TMIGD2: variants seen among roughly 807,000 people sequenced by gnomAD.
TMIGD2 encodes transmembrane and immunoglobulin domain containing 2, also known as transmembrane and immunoglobulin domain-containing protein 2.
In TMIGD2, 18 loss-of-function variants were observed where a neutral mutation model predicts 22.6. That is an observed-to-expected ratio of 0.80 (90% confidence interval 0.55 to 1.18). The LOEUF is 1.18. TMIGD2 is among the 50% of genes most tolerant of loss of function. TMIGD2 has a pLI of 0.00. For synonymous variants in TMIGD2, 184 were observed against 154.1 expected, an observed-to-expected ratio of 1.19 and a Z score of -1.44; for missense variants, 361 against 378.2, an observed-to-expected ratio of 0.95 and a Z score of 0.38.
Position 4,292,338 on chromosome 19 carries a change from C to A in TMIGD2, c.*261G>T, listed in dbSNP as rs1599519419. On this transcript the variant is annotated 3_prime_UTR_variant, in exon 5 of 5. Coordinates refer to ENST00000301272, the Ensembl canonical transcript of TMIGD2. Reference sequence around the variant, plus strand: ...AGGATGGGGCTGACAGGCTCCCAATCCTCCTGCTTTTTGTTTTTTTTGAGA... The same window carrying A: ...AGGATGGGGCTGACAGGCTCCCAATACTCCTGCTTTTTGTTTTTTTTGAGA... 3 of 454,474 alleles carry A rather than the reference C, an allele frequency of 6.6e-6. No individual in the cohort carries two copies. The East Asian group carries it at 1.4e-4, about 22-fold the overall frequency. 28.2% of individuals were successfully genotyped at this position (454,474 alleles called of 1,614,324 possible).
At chr19:4,301,907 T>C (rs939603954) in intron 1 of TMIGD2, among the ~76,000 whole-genome samples, 7 of 152,094 alleles carry the variant, frequency 4.6e-5, no homozygotes, top group Admixed American at 3.9e-4. Context: ...GTTGAGGTTA[T>C]GTGAAGTTCC....
At chr19:4,299,659 G>A (rs991683466) in intron 1 of TMIGD2, among the ~76,000 whole-genome samples, 8 of 151,964 alleles carry the variant, frequency 5.3e-5, no homozygotes, top group East Asian at 1.9e-4. Context: ...AGTCAAGGCC[G>A]GTGGATCACC....
chr19:4,294,761 A>G lies in TMIGD2; in HGVS notation c.448+14T>C, dbSNP rs541954558. On this transcript the variant is annotated intron_variant, in intron 3 of 4. Coordinates refer to ENST00000301272, the Ensembl canonical transcript of TMIGD2. ...GTGGAAGACGCTGGGGGAGGAACACAGGGCAGGGCTCACCTGGGAAGCTTG... is the reference window on the plus strand; with the variant it reads ...GTGGAAGACGCTGGGGGAGGAACACGGGGCAGGGCTCACCTGGGAAGCTTG... The G allele has an allele frequency of 3.2e-6, 5 of 1,583,172 alleles. No homozygotes were observed. The highest frequency in any genetic ancestry group is 4.3e-6 in the Non-Finnish European group (5 of 1,165,460).
At chr19:4,301,217 C>T (rs1013511484) in intron 1 of TMIGD2, among the ~76,000 whole-genome samples, 1 of 152,162 alleles carries the variant, frequency 6.6e-6, no homozygotes, top group African/African-American at 2.4e-5. Context: ...AAGTGATCCA[C>T]CTGCCTCAGT....
chr19:4,292,534 G>C (rs748660471), exon 5 of TMIGD2: 2 of 1,497,370 alleles, frequency 1.3e-6, no homozygotes, highest in Non-Finnish European at 1.9e-6. Flanking sequence ...ACCGTGTCTG[G>C]CCTCGATCCC....
exon 5 of TMIGD2, chr19:4,292,317 T>C (rs1228418991): frequency 4.9e-6 from 2 of 407,256 alleles, no homozygotes; most frequent in Non-Finnish European, 8.9e-6. Context: ...GGTCTCAGGA[T>C]GGGGCTGACA....
chr19:4,294,473 C>T, intron 4 of TMIGD2, 106 bp downstream of exon 4: 3 of 1,065,900 alleles, frequency 2.8e-6, no homozygotes, highest in Non-Finnish European at 2.8e-6. Flanking sequence ...TCCCTTCATC[C>T]CTCCTCCATC....
chr19:4,299,867 C>T (rs1349110729), intron 1 of TMIGD2, among the ~76,000 whole-genome samples: 2 of 150,618 alleles, frequency 1.3e-5, no homozygotes, highest in African/African-American at 4.9e-5. Context: ...GCTTGGGCAA[C>T]AGAGCGAGAC....
intron 4 of TMIGD2, among the ~76,000 whole-genome samples, chr19:4,293,378 A>T (rs576722286): frequency 6.8e-6 from 1 of 147,888 alleles, no homozygotes; most frequent in Admixed American, 6.8e-5. Context: ...CTCCTGCCTC[A>T]GTCTCCCTAG....
At chr19:4,292,382 C>G (rs1971392078) in exon 5 of TMIGD2, 2 of 573,468 alleles carry the variant, frequency 3.5e-6, no homozygotes, top group Non-Finnish European at 6.1e-6. Flanking sequence ...CACTCTGTCG[C>G]CCAGGCTGGA....
chr19:4,293,023 G>C, intron 4 of TMIGD2, 138 bp from the exon 5 acceptor site: 1 of 1,309,270 alleles, frequency 7.6e-7, no homozygotes, highest in Non-Finnish European at 1.0e-6. Context: ...GAGTGCAGTG[G>C]CGCAATCTCG....
exon 5 of TMIGD2, chr19:4,292,747 G>T (rs375257491): frequency 5.0e-6 from 8 of 1,610,184 alleles, no homozygotes; most frequent in Non-Finnish European, 5.9e-6. Flanking sequence ...CGCCAGGTGC[G>T]GCTGGCGGGG....
At chr19:4,292,866 G>A (rs764257256) in exon 5 of TMIGD2, 17 of 1,613,692 alleles carry the variant, frequency 1.1e-5, no homozygotes, top group Middle Eastern at 1.6e-4. Flanking sequence ...GGTATAGGAC[G>A]TTGCTGTAGA....
At position 4,297,810 on chromosome 19, in the gene TMIGD2, G is replaced by A. The variant is rs541854592; in HGVS notation, c.406+176C>T. ...GCGGAGGTTGCAGTGAGCCGAGATC[G>A]CGCCCCTGCACTCCAAGGCCTGGAC... On this transcript the variant is annotated intron_variant, in intron 2 of 4. Coordinates refer to ENST00000301272, the Ensembl canonical transcript of TMIGD2. Among the ~76,000 whole-genome samples the A allele has an allele frequency of 4.6e-5, 7 of 151,146 alleles. 1 individual carries two copies. In the South Asian group the frequency reaches 1.1e-3, roughly 23 times the overall value.
exon 5 of TMIGD2, chr19:4,292,623 C>A (rs1481500766): frequency 6.2e-7 from 1 of 1,613,012 alleles, no homozygotes; most frequent in East Asian, 2.2e-5. Flanking sequence ...CTTTGGGGAA[C>A]CCTTTTGGCC....
At position 4,293,575 on chromosome 19, in the gene TMIGD2, TTA is replaced by T. The variant is rs1491134964; in HGVS notation, c.563-692_563-691del. ...GCACCCGGCCAATTTTTTTTTTTTT[TTA>T]ATTTCAAACTGTCTTTTTGTTTGTT... On this transcript the variant is annotated intron_variant, in intron 4 of 4. Coordinates refer to ENST00000301272, the Ensembl canonical transcript of TMIGD2. 2.6e-5 allele frequency among the ~76,000 whole-genome samples: 4 copies of T among 151,316 alleles called. No individual in the cohort carries two copies. The East Asian group carries it at 7.8e-4, about 30-fold the overall frequency.
chr19:4,294,664 C>A (rs748290531), exon 4 of TMIGD2: 2 of 1,593,568 alleles, frequency 1.3e-6, no homozygotes, highest in East Asian at 2.3e-5. Context: ...CCACCCCCAG[C>A]AGCACGAAGA....
intron 1 of TMIGD2, among the ~76,000 whole-genome samples, chr19:4,301,696 A>C (rs1223817199): frequency 6.6e-6 from 1 of 152,196 alleles, no homozygotes; most frequent in East Asian, 1.9e-4. Flanking sequence ...AACAAACAAA[A>C]AAACACAAAT....
chr19:4,298,365 G>C lies in TMIGD2; in HGVS notation c.47-20C>G. On this transcript the variant is annotated intron_variant, in intron 1 of 4. Transcript: ENST00000301272. ...GCAGGGCTGGAGGACAGAAGAGGTA[G>C]AGGCGACCTTTCTGACTGTGCGCAT... 2 of 1,539,208 alleles carry C rather than the reference G, an allele frequency of 1.3e-6. No individual in the cohort carries two copies. Among genetic ancestry groups the C allele is most frequent in the Non-Finnish European group, 1.7e-6 (2 of 1,148,478 alleles).
Sources: allele counts gnomAD v4.1 joint callset (sites outside exome capture counted in the v4.1 genomes callset), GRCh38; gene constraint gnomAD v4.1.1; transcripts MANE v1.5; gene names NCBI Gene and HGNC (gene_info 2026-07-23, HGNC 2026-07-21).